Variants in MYT1L observed in about 807,000 individuals in gnomAD.
MYT1L encodes myelin transcription factor 1-like protein.
Under a neutral mutation model 126.7 loss-of-function variants are expected in MYT1L, and 12 were observed. The observed-to-expected ratio is 0.09, with a 90% CI of 0.06 to 0.15. The LOEUF is 0.15. Ranked by LOEUF, MYT1L falls within the 10% of genes least tolerant of loss-of-function variation. The pLI, the probability that MYT1L is intolerant of heterozygous loss-of-function variation, is 1.00. For synonymous variants in MYT1L, 541 were observed against 604.2 expected (o/e 0.90, Z 1.53); for missense variants, 979 against 1,585.2 (o/e 0.62, Z 6.49).
chr2:1,866,014 G>A (rs756825664), intron 18 of MYT1L, among the ~76,000 whole-genome samples: 4 of 152,158 alleles, frequency 2.6e-5, no homozygotes, highest in Non-Finnish European at 4.4e-5. Flanking sequence ...TTTAGCCTCC[G>A]AGCTACAGTG....
intron 3 of MYT1L, among the ~76,000 whole-genome samples, chr2:2,171,926 C>G (rs1277919439): frequency 6.6e-6 from 1 of 152,152 alleles, no homozygotes. Flanking sequence ...CACAATTGCA[C>G]AGTGAACCTT....
intron 2 of MYT1L, among the ~76,000 whole-genome samples, chr2:2,276,974 C>T (rs1284068613): frequency 6.6e-6 from 1 of 150,548 alleles, no homozygotes; most frequent in African/African-American, 2.4e-5. Flanking sequence ...CCGATTGATT[C>T]TTTTTTTTTC....
intron 9 of MYT1L, among the ~76,000 whole-genome samples, chr2:1,923,820 T>C (rs140771600): frequency 1.3e-5 from 2 of 152,330 alleles, no homozygotes; most frequent in African/African-American, 4.8e-5. Context: ...GGAGCTCAGA[T>C]TCATAAGCAC....
chr2:2,176,100 T>C (rs983998532), intron 2 of MYT1L, among the ~76,000 whole-genome samples: 1 of 152,200 alleles, frequency 6.6e-6, no homozygotes, highest in Admixed American at 6.5e-5. Flanking sequence ...TCACTCAGCT[T>C]CTAGTTGGAG....
chr2:2,165,972 G>GTAAAT (rs1402327719), intron 3 of MYT1L, among the ~76,000 whole-genome samples: 1 of 108,178 alleles, frequency 9.2e-6, no homozygotes, highest in African/African-American at 3.8e-5. Flanking sequence ...ACTTTGTAAA[G>GTAAAT]TTTTAAAGTA....
intron 2 of MYT1L, among the ~76,000 whole-genome samples, chr2:2,261,732 G>T (rs910705966): frequency 6.6e-6 from 1 of 151,818 alleles, no homozygotes; most frequent in Non-Finnish European, 1.5e-5. Context: ...AAAATGTTAG[G>T]CAGTGGCCTA....
At chr2:1,875,170 G>A (rs905463621) in intron 18 of MYT1L, among the ~76,000 whole-genome samples, 1 of 152,188 alleles carries the variant, frequency 6.6e-6, no homozygotes, top group African/African-American at 2.4e-5. Context: ...CGGCGCAGGC[G>A]GAAGATACTG....
intron 3 of MYT1L, among the ~76,000 whole-genome samples, chr2:2,124,978 G>A (rs974914138): frequency 1.3e-5 from 2 of 152,148 alleles, no homozygotes; most frequent in African/African-American, 4.8e-5. Context: ...ACTTTCCATA[G>A]AACTTAAACA....
intron 8 of MYT1L, among the ~76,000 whole-genome samples, chr2:1,971,907 C>T (rs953370581): frequency 1.3e-5 from 2 of 152,166 alleles, no homozygotes; most frequent in Non-Finnish European, 2.9e-5. Context: ...CCCAAGTAAA[C>T]CCCTAGACCT....
Position 2,290,301 on chromosome 2 carries a change from C to G in MYT1L, c.-520-5798G>C, listed in dbSNP as rs937802484. Among the ~76,000 whole-genome samples, 3 of 152,212 alleles carry G rather than the reference C, an allele frequency of 2.0e-5. No homozygotes were observed. In the East Asian group the frequency reaches 5.8e-4, roughly 29 times the overall value. Reference sequence around the variant, plus strand: ...AGGCCCAGAGCCCTGGCTTCCACTTCCATCTGAGGAGCGAGGCCTTCGTCT... The same window carrying G: ...AGGCCCAGAGCCCTGGCTTCCACTTGCATCTGAGGAGCGAGGCCTTCGTCT... On this transcript the variant is annotated intron_variant, in intron 1 of 24. Coordinates refer to ENST00000647738, the MANE Select transcript of MYT1L (RefSeq NM_001303052.2).
chr2:2,165,587 T>C (rs887909637), intron 3 of MYT1L, among the ~76,000 whole-genome samples: 2 of 152,208 alleles, frequency 1.3e-5, no homozygotes, highest in African/African-American at 4.8e-5. Flanking sequence ...ATATGTCCTT[T>C]ATAGCTGTTT....
chr2:2,002,101 G>A (rs1044580208), intron 4 of MYT1L, among the ~76,000 whole-genome samples: 3 of 152,124 alleles, frequency 2.0e-5, no homozygotes, highest in Admixed American at 6.5e-5. Flanking sequence ...ATCCTCAAAT[G>A]CTTTCCATTC....
chr2:1,802,417 G>C (rs1200879993), intron 22 of MYT1L, among the ~76,000 whole-genome samples: 1 of 152,180 alleles, frequency 6.6e-6, no homozygotes, highest in Non-Finnish European at 1.5e-5. Context: ...GGAGGGAGAT[G>C]GCCACAAAAG....
chr2:1,882,404 A>G (rs562073990), intron 18 of MYT1L, among the ~76,000 whole-genome samples: 3 of 152,092 alleles, frequency 2.0e-5, no homozygotes, highest in Non-Finnish European at 4.4e-5. Flanking sequence ...TCAATTCTTT[A>G]TAACAGAAAC....
At chr2:1,815,660 C>T (rs1229930847) in intron 21 of MYT1L, among the ~76,000 whole-genome samples, 2 of 152,216 alleles carry the variant, frequency 1.3e-5, no homozygotes, top group Non-Finnish European at 2.9e-5. Context: ...CCTGGGTACA[C>T]CTCCATGGAA....
chr2:2,091,487 G>C (rs531673161), intron 3 of MYT1L, among the ~76,000 whole-genome samples: 1 of 152,320 alleles, frequency 6.6e-6, no homozygotes, highest in African/African-American at 2.4e-5. Flanking sequence ...AGCAAGAGGA[G>C]AGTAGGTTTA....
At chr2:2,052,762 G>T (rs2068989024) in intron 4 of MYT1L, among the ~76,000 whole-genome samples, 1 of 152,112 alleles carries the variant, frequency 6.6e-6, no homozygotes, top group Non-Finnish European at 1.5e-5. Context: ...TTTTAAAAAA[G>T]AAAACCACAG....
chr2:2,256,449 A>G (rs1055076104), intron 2 of MYT1L, among the ~76,000 whole-genome samples: 3 of 152,350 alleles, frequency 2.0e-5, no homozygotes, highest in South Asian at 2.1e-4. Flanking sequence ...CGTATTATCT[A>G]TGCTGCTTAG....
chr2:2,300,294 G>A (rs1469864647), intron 1 of MYT1L, among the ~76,000 whole-genome samples: 1 of 152,150 alleles, frequency 6.6e-6, no homozygotes, highest in African/African-American at 2.4e-5. Flanking sequence ...TACTTACTAT[G>A]GAGAAGATCG....
Sources: gnomAD v4.1 joint callset for allele counts (sites outside exome capture counted in the v4.1 genomes callset) on GRCh38, gnomAD v4.1.1 for gene constraint, MANE v1.5 for transcripts, NCBI Gene and HGNC (gene_info 2026-07-23, HGNC 2026-07-21) for gene names.